Variants in LRMDA observed in about 807,000 individuals in gnomAD.
LRMDA encodes leucine-rich melanocyte differentiation-associated protein.
A neutral mutation model predicts 29.8 loss-of-function variants in LRMDA; 18 were observed. The ratio of observed to expected loss-of-function variants is 0.60; its 90% confidence interval spans 0.42 to 0.90. The LOEUF is 0.90. Ranked by LOEUF, LRMDA falls within the 40% of genes least tolerant of loss-of-function variation. The pLI, the probability that LRMDA is intolerant of heterozygous loss-of-function variation, is 0.00. For synonymous variants in LRMDA, 125 were observed against 109.4 expected, an observed-to-expected ratio of 1.14 and a Z score of -0.89; for missense variants, 273 against 273.9, an observed-to-expected ratio of 1.00 and a Z score of 0.02.
At chr10:75,544,543 G>A (rs1840054616) in intron 2 of LRMDA, among the ~76,000 whole-genome samples, 1 of 152,118 alleles carries the variant, frequency 6.6e-6, no homozygotes, top group South Asian at 2.1e-4. Context: ...CTATGACTTA[G>A]AGAGGAAGGT....
At chr10:76,431,937 C>T (rs1225389512) in intron 6 of LRMDA, among the ~76,000 whole-genome samples, 2 of 152,222 alleles carry the variant, frequency 1.3e-5, no homozygotes, top group Non-Finnish European at 2.9e-5. Context: ...ACATGCCTTT[C>T]ACCTTCTGCC....
At chr10:76,529,325 A>G (rs1843210007) in intron 6 of LRMDA, among the ~76,000 whole-genome samples, 1 of 152,174 alleles carries the variant, frequency 6.6e-6, no homozygotes, top group Non-Finnish European at 1.5e-5. Context: ...TACAAGACTC[A>G]TGGCAGCCAA....
chr10:75,755,340 A>T (rs1047757266), intron 2 of LRMDA, among the ~76,000 whole-genome samples: 6 of 152,266 alleles, frequency 3.9e-5, no homozygotes, highest in African/African-American at 1.4e-4. Flanking sequence ...TGTGCCTAGC[A>T]CATAGCAGGT....
At chr10:76,399,326 G>C (rs533776127) in intron 6 of LRMDA, among the ~76,000 whole-genome samples, 1 of 152,302 alleles carries the variant, frequency 6.6e-6, no homozygotes, top group South Asian at 2.1e-4. Flanking sequence ...TTGGCTCTTG[G>C]CAGACTCGCA....
At chr10:76,388,769 T>C (rs1841689827) in intron 6 of LRMDA, among the ~76,000 whole-genome samples, 1 of 152,256 alleles carries the variant, frequency 6.6e-6, no homozygotes, top group Non-Finnish European at 1.5e-5. Context: ...CTAGACATTA[T>C]TCATACTGCT....
intron 5 of LRMDA, among the ~76,000 whole-genome samples, chr10:76,250,472 G>T (rs1852456602): frequency 6.6e-6 from 1 of 152,060 alleles, no homozygotes; most frequent in Non-Finnish European, 1.5e-5. Flanking sequence ...TACATTTCTA[G>T]GCTGACCTTG....
intron 5 of LRMDA, among the ~76,000 whole-genome samples, chr10:76,135,924 A>G (rs2132143144): frequency 6.6e-6 from 1 of 152,316 alleles, no homozygotes; most frequent in Middle Eastern, 3.4e-3. Flanking sequence ...TTGGGAGAAC[A>G]CAATTCAACC....
intron 2 of LRMDA, among the ~76,000 whole-genome samples, chr10:75,923,466 T>A (rs12572234): frequency 6.6e-6 from 1 of 151,950 alleles, no homozygotes; most frequent in Admixed American, 6.5e-5. Context: ...GGAGAGGAAC[T>A]CCATAGGAGA....
intron 5 of LRMDA, among the ~76,000 whole-genome samples, chr10:76,097,305 C>T (rs1849327967): frequency 6.6e-6 from 1 of 152,184 alleles, no homozygotes; most frequent in Non-Finnish European, 1.5e-5. Context: ...GCCACCGTGC[C>T]CGGCTTCATG....
chr10:75,608,129 T>TATATATATATATATATATGCAC, intron 2 of LRMDA, among the ~76,000 whole-genome samples: 1 of 89,600 alleles, frequency 1.1e-5, no homozygotes, highest in East Asian at 3.3e-4. Context: ...TATATATATA[T>TATATATATATATATATATGCAC]ACACACACAT....
chr10:76,138,600 C>T (rs938434314), intron 5 of LRMDA, among the ~76,000 whole-genome samples: 2 of 152,112 alleles, frequency 1.3e-5, no homozygotes, highest in African/African-American at 4.8e-5. Context: ...CTTTGACAGG[C>T]TGCTTGTAGA....
chr10:75,970,718 TG>T (rs1846951251), intron 2 of LRMDA, among the ~76,000 whole-genome samples: 2 of 152,310 alleles, frequency 1.3e-5, no homozygotes, highest in South Asian at 4.1e-4. Flanking sequence ...AGGCCCAGTG[TG>T]GGCTTGGAAG....
chr10:76,511,414 G>A (rs1281160891), intron 6 of LRMDA, among the ~76,000 whole-genome samples: 1 of 152,066 alleles, frequency 6.6e-6, no homozygotes, highest in Admixed American at 6.6e-5. Context: ...AGAGAAGTGG[G>A]AGAAAAGGGG....
chr10:75,812,108 ATTTTTT>A (rs67846089), intron 2 of LRMDA, among the ~76,000 whole-genome samples: 11 of 46,282 alleles, frequency 2.4e-4, no homozygotes, highest in Admixed American at 2.2e-3. Context: ...TTTAATTGTG[ATTTTTT>A]TTTTTTTTTT....
chr10:75,913,493 T>C (rs1564604955), intron 2 of LRMDA, among the ~76,000 whole-genome samples: 1 of 152,106 alleles, frequency 6.6e-6, no homozygotes, highest in Admixed American at 6.5e-5. Context: ...AGTTAATTTT[T>C]CTTTTGACTT....
intron 2 of LRMDA, among the ~76,000 whole-genome samples, chr10:75,541,242 G>A (rs1840011693): frequency 2.6e-5 from 4 of 152,094 alleles, no homozygotes; most frequent in Admixed American, 2.6e-4. Context: ...GAACTAGCTA[G>A]CTGTTTTTCT....
At chr10:76,260,172 T>C (rs1382580970) in intron 5 of LRMDA, among the ~76,000 whole-genome samples, 1 of 152,174 alleles carries the variant, frequency 6.6e-6, no homozygotes, top group Non-Finnish European at 1.5e-5. Context: ...TCCTCTCTTA[T>C]TATTTAATTT....
chr10:76,211,611 C>A (rs1851635391), intron 5 of LRMDA, among the ~76,000 whole-genome samples: 1 of 152,252 alleles, frequency 6.6e-6, no homozygotes, highest in Non-Finnish European at 1.5e-5. Context: ...CAAAATGTCA[C>A]TTGGGTGACT....
chr10:75,824,883 A>G (rs1320216856), intron 2 of LRMDA, among the ~76,000 whole-genome samples: 1 of 152,228 alleles, frequency 6.6e-6, no homozygotes, highest in Non-Finnish European at 1.5e-5. Flanking sequence ...AGGTAGGGAC[A>G]AACATATGGA....
Sources: allele counts gnomAD v4.1 joint callset (sites outside exome capture counted in the v4.1 genomes callset), GRCh38; gene constraint gnomAD v4.1.1; transcripts MANE v1.5; gene names NCBI Gene and HGNC (gene_info 2026-07-23, HGNC 2026-07-21).